Variants in ZNF607 observed in about 807,000 individuals in gnomAD.
ZNF607 encodes the protein zinc finger protein 607.
A neutral mutation model predicts 12.8 loss-of-function variants in ZNF607; 5 were observed. That is an observed-to-expected ratio of 0.39 (90% CI 0.20 to 0.82). The LOEUF is 0.82. Ranked by LOEUF, ZNF607 falls within the 40% of genes least tolerant of loss-of-function variation. The probability of loss-of-function intolerance (pLI) is 0.39; values close to 1 mark genes in which losing one functional copy is unlikely to be tolerated. For synonymous variants in ZNF607, 287 were observed against 276.2 expected (o/e 1.04, Z -0.39); for missense variants, 851 against 859.2 (o/e 0.99, Z 0.12).
Position 37,699,421 on chromosome 19 carries a change from T to A in ZNF607, c.710A>T (p.Tyr237Phe). The A allele has an allele frequency of 6.2e-7, 1 of 1,614,098 alleles. No individual in the cohort carries two copies. Among genetic ancestry groups the A allele is most frequent in the Non-Finnish European group, 8.5e-7 (1 of 1,180,006 alleles). Residue 237 changes from tyrosine (Y) to phenylalanine (F), a missense_variant, in exon 5 of 5, where the codon TAT (tyrosine) becomes TTT (phenylalanine). By Grantham distance (22) the Tyr-to-Phe change is conservative. Transcript: ENST00000355202. ...ACTCTGATGTCGACTAAGTCGTCCA[T>A]ACACACTAAAGGCCTTGCCACATTC... ...CKECGKAFSV[Y>F]GRLSRHQSIH...
At chr19:37,708,493 C>G (rs1186379734) in intron 3 of ZNF607, among the ~76,000 whole-genome samples, 1 of 151,900 alleles carries the variant, frequency 6.6e-6, no homozygotes, top group Non-Finnish European at 1.5e-5. Context: ...CGTGCCCAGT[C>G]TCAAAAGAAA....
Position 37,711,712 on chromosome 19 carries a change from T to C in ZNF607, c.-74-20A>G. Reference sequence around the variant, plus strand: ...CAAGACCTGAAAGAAGAGAAGACCTTGAGACCAGCTGTGCTTTAGTGGTCC... The same window carrying C: ...CAAGACCTGAAAGAAGAGAAGACCTCGAGACCAGCTGTGCTTTAGTGGTCC... On this transcript the variant is annotated intron_variant, in intron 1 of 4. Transcript: ENST00000355202. 7.8e-7 allele frequency: 1 copy of C among 1,287,328 alleles called. No homozygotes were observed. The allele number at this position is 1,287,328 out of a possible 1,614,324, so 79.7% of individuals were successfully genotyped here. A position where few individuals can be genotyped will look rare whatever the true frequency, so the allele number is the denominator to read the frequency against.
At chr19:37,702,933 A>AT (rs1568404337) in intron 4 of ZNF607, among the ~76,000 whole-genome samples, 1 of 151,846 alleles carries the variant, frequency 6.6e-6, no homozygotes, top group Non-Finnish European at 1.5e-5. Flanking sequence ...CAACAGGTAA[A>AT]TTTATTTATT....
chr19:37,716,236 A>G (rs1245426678), intron 1 of ZNF607, among the ~76,000 whole-genome samples: 2 of 152,180 alleles, frequency 1.3e-5, no homozygotes, highest in Admixed American at 1.3e-4. Flanking sequence ...GTGGAAACAA[A>G]TAAGAGAACT....
At chr19:37,705,960 G>A (rs2045079459) in intron 4 of ZNF607, among the ~76,000 whole-genome samples, 1 of 151,966 alleles carries the variant, frequency 6.6e-6, no homozygotes, top group Non-Finnish European at 1.5e-5. Flanking sequence ...CAGCACTTTG[G>A]GGGGCCGAGG....
At chr19:37,710,617 A>C (rs2045125585) in intron 2 of ZNF607, among the ~76,000 whole-genome samples, 2 of 152,170 alleles carry the variant, frequency 1.3e-5, no homozygotes, top group Admixed American at 1.3e-4. Flanking sequence ...ATTTTTGAAG[A>C]AGCTTGAAAC....
chr19:37,708,222 G>A (rs559065162), intron 3 of ZNF607, among the ~76,000 whole-genome samples: 7 of 149,970 alleles, frequency 4.7e-5, no homozygotes, highest in African/African-American at 1.7e-4. Context: ...TTGCGACGGA[G>A]TCTCGCTCTG....
chr19:37,705,697 A>AC (rs2045076305), intron 4 of ZNF607, among the ~76,000 whole-genome samples: 1 of 151,750 alleles, frequency 6.6e-6, no homozygotes, highest in African/African-American at 2.4e-5. Context: ...AAAAAAAAAA[A>AC]AAAAAAAAAC....
intron 1 of ZNF607, among the ~76,000 whole-genome samples, chr19:37,714,340 A>ACAACAGCAG (rs546794308): frequency 1.6e-4 from 23 of 148,330 alleles, no homozygotes; most frequent in South Asian, 2.2e-4. Context: ...AACAACAACA[A>ACAACAGCAG]CAGCAGCAGC....
At chr19:37,705,639 C>T (rs944636343) in intron 4 of ZNF607, among the ~76,000 whole-genome samples, 3 of 142,748 alleles carry the variant, frequency 2.1e-5, no homozygotes, top group African/African-American at 5.2e-5. Flanking sequence ...GAGCTGAAAT[C>T]GCACCACTGC....
chr19:37,699,416 G>T lies in ZNF607; in HGVS notation c.715C>A (p.Arg239=). The change falls in exon 5 of 5, where the codon CGA becomes AGA. Residue 239 remains arginine, a synonymous_variant. Transcript: ENST00000355202. The part of the protein sequence containing the change: ...ECGKAFSVYG[R]LSRHQSIHTG... ...TGAATACTCTGATGTCGACTAAGTCGTCCATACACACTAAAGGCCTTGCCA... is the reference window on the plus strand; with the variant it reads ...TGAATACTCTGATGTCGACTAAGTCTTCCATACACACTAAAGGCCTTGCCA... 1 of 1,614,042 alleles carries T rather than the reference G, an allele frequency of 6.2e-7. No individual in the cohort carries two copies.
chr19:37,703,729 A>G (rs1051926459), intron 4 of ZNF607, among the ~76,000 whole-genome samples: 1 of 152,234 alleles, frequency 6.6e-6, no homozygotes, highest in Non-Finnish European at 1.5e-5. Flanking sequence ...AAAAGGGATC[A>G]GTCTATCAAG....
In ZNF607 at chr19:37,696,928, C is replaced by G; in HGVS notation, c.*1112G>C. 1 of 671,208 alleles carries G rather than the reference C, an allele frequency of 1.5e-6. No homozygotes were observed. The highest frequency in any genetic ancestry group is 2.7e-6 in the Non-Finnish European group (1 of 366,912). The allele number at this position is 671,208 out of a possible 1,614,324, so 41.6% of individuals were successfully genotyped here. A position where few individuals can be genotyped will look rare whatever the true frequency, so the allele number is the denominator to read the frequency against. On this transcript the variant is annotated 3_prime_UTR_variant, in exon 5 of 5. Transcript: ENST00000355202. ...TCGTCCAGAATGAGCCCAAAGGTGG[C>G]TGCTCACTCCATAAGGTTGTTGCTC...
intron 4 of ZNF607, among the ~76,000 whole-genome samples, chr19:37,707,430 T>C (rs770311290): frequency 3.2e-4 from 48 of 151,648 alleles, no homozygotes; most frequent in Non-Finnish European, 6.6e-4. Flanking sequence ...GGTGACAGAG[T>C]GAGACCTTAT....
At position 37,709,740 on chromosome 19, in the gene ZNF607, T is replaced by G; in HGVS notation, c.92A>C (p.Tyr31Ser). ...EYLSLVQKTL[Y>S]QEVMMENYDN... ...ATAGTTCTCCATCATCACCTCCTGG[T>G]ACAAGGTCTTCTGAACCAGGCTGAG... The change falls in exon 3 of 5, where the codon TAC (tyrosine) becomes TCC (serine). Residue 31 changes from tyrosine (Y) to serine (S), a missense_variant. Transcript: ENST00000355202. 1 of 1,614,158 alleles carries G rather than the reference T, an allele frequency of 6.2e-7. No homozygotes were observed. Among genetic ancestry groups the G allele is most frequent in the Non-Finnish European group, 8.5e-7 (1 of 1,179,986 alleles).
In ZNF607 at chr19:37,698,011, T is replaced by C; in HGVS notation, c.*29A>G. On this transcript the variant is annotated 3_prime_UTR_variant, in exon 5 of 5. Coordinates refer to ENST00000355202, the MANE Select transcript of ZNF607 (RefSeq NM_032689.5). ...ATCCATTGACACAATGTGCTTTCTT[T>C]ACTACCTGTATATGCCACAATTTCT... 1 of 1,532,778 alleles carries C rather than the reference T, an allele frequency of 6.5e-7. No individual in the cohort carries two copies. Among genetic ancestry groups the C allele is most frequent in the Non-Finnish European group, 8.7e-7 (1 of 1,147,250 alleles). 94.9% of individuals were successfully genotyped at this position (1,532,778 alleles called of 1,614,324 possible). A position where few individuals can be genotyped will look rare whatever the true frequency, so the allele number is the denominator to read the frequency against.
intron 1 of ZNF607, among the ~76,000 whole-genome samples, chr19:37,715,212 T>C (rs571793142): frequency 6.6e-6 from 1 of 152,098 alleles, no homozygotes; most frequent in Non-Finnish European, 1.5e-5. Context: ...AGCCACTTTC[T>C]GTTTCTTAAA....
intron 1 of ZNF607, among the ~76,000 whole-genome samples, chr19:37,711,956 T>C (rs2045137200): frequency 6.6e-6 from 1 of 152,158 alleles, no homozygotes; most frequent in South Asian, 2.1e-4. Context: ...CAATGTACGA[T>C]GTTGGTGAGG....
At position 37,698,149 on chromosome 19, in the gene ZNF607, C is replaced by A; in HGVS notation, c.1982G>T (p.Ser661Ile). Residue 661 changes from serine (S) to isoleucine (I), a missense_variant, in exon 5 of 5, where the codon AGT (serine) becomes ATT (isoleucine). Physicochemically the swap from Ser to Ile is moderately radical, Grantham distance 142. Transcript: ENST00000355202. ...GKAFNSSHEL[S>I]IHHRVHTGEK... ...ACCAGTATGAACTCTATGATGTATA[C>A]TAAGTTCATGGCTACTATTAAAAGC... 1.2e-6 allele frequency: 2 copies of A among 1,613,862 alleles called. No individual in the cohort carries two copies. Among genetic ancestry groups the A allele is most frequent in the Non-Finnish European group, 1.7e-6 (2 of 1,179,932 alleles).
Sources: gnomAD v4.1 joint callset for allele counts (sites outside exome capture counted in the v4.1 genomes callset) on GRCh38, gnomAD v4.1.1 for gene constraint, MANE v1.5 for transcripts, NCBI Gene and HGNC (gene_info 2026-07-23, HGNC 2026-07-21) for gene names.